CDC40: variants seen among roughly 807,000 people sequenced by gnomAD.
The protein encoded by CDC40 is cell division cycle 40.
CDC40 carries 27 observed loss-of-function variants against 80.6 expected under a neutral mutation model. The ratio of observed to expected loss-of-function variants is 0.33; its 90% confidence interval spans 0.25 to 0.46. The LOEUF (loss-of-function observed/expected upper bound fraction) is 0.46. Among genes scored for constraint, CDC40 ranks in the 20% least tolerant of loss-of-function variants. CDC40 has a pLI of 1.00. For missense variants in CDC40, 486 were observed against 694.1 expected (o/e 0.70, Z 3.37); for synonymous variants, 221 against 232.6 (o/e 0.95, Z 0.45).
chr6:110,226,122 CT>C, intron 12 of CDC40, 44 bp from the exon 13 acceptor site: 1 of 1,018,664 alleles, frequency 9.8e-7, no homozygotes. Flanking sequence ...TCTGAAGGTA[CT>C]TTTTAAAAGT....
intron 3 of CDC40, among the ~76,000 whole-genome samples, chr6:110,204,741 C>T (rs1042166779): frequency 3.4e-5 from 5 of 148,432 alleles, no homozygotes; most frequent in African/African-American, 1.0e-4. Context: ...CTCACTGCAA[C>T]CTCTACCTCT....
At position 110,231,553 on chromosome 6, in the gene CDC40, T is replaced by C. The variant is rs1295529021; in HGVS notation, c.*1422T>C. On this transcript the variant is annotated 3_prime_UTR_variant, in exon 15 of 15. Coordinates refer to ENST00000307731, the MANE Select transcript of CDC40 (RefSeq NM_015891.3). The stretch of plus-strand genomic sequence containing the variant: ...ATGTAATAGCTCATAGCACTTTAAT[T>C]TGGCAAGCCATTTTTCCTGTTTTAT... The C allele has an allele frequency of 6.6e-6, 1 of 152,218 alleles. No homozygotes were observed. Among genetic ancestry groups the C allele is most frequent in the African/African-American group, 2.4e-5 (1 of 41,458 alleles). 9.4% of individuals were successfully genotyped at this position (152,218 alleles called of 1,614,324 possible). A position where few individuals can be genotyped will look rare whatever the true frequency, so the allele number is the denominator to read the frequency against.
intron 1 of CDC40, among the ~76,000 whole-genome samples, chr6:110,189,789 C>G (rs970107303): frequency 1.3e-5 from 2 of 152,184 alleles, no homozygotes; most frequent in Non-Finnish European, 2.9e-5. Context: ...AATCCTTCAA[C>G]CTGACACCCC....
chr6:110,201,457 C>A, intron 2 of CDC40, 101 bp from the exon 3 acceptor site: 3 of 838,272 alleles, frequency 3.6e-6, no homozygotes, highest in East Asian at 2.8e-5. Flanking sequence ...GGTTAATAGG[C>A]CCTTTTTTTG....
At chr6:110,189,759 A>G (rs1777320378) in intron 1 of CDC40, among the ~76,000 whole-genome samples, 2 of 152,234 alleles carry the variant, frequency 1.3e-5, no homozygotes, top group Admixed American at 1.3e-4. Flanking sequence ...CTTAAGGAAG[A>G]AGAAAAACTT....
At chr6:110,221,296 G>C (rs1476617741) in intron 12 of CDC40, among the ~76,000 whole-genome samples, 1 of 152,150 alleles carries the variant, frequency 6.6e-6, no homozygotes, top group African/African-American at 2.4e-5. Flanking sequence ...TTAACAAGTG[G>C]AAAGCCTTGA....
intron 1 of CDC40, among the ~76,000 whole-genome samples, chr6:110,188,033 T>G (rs1777297629): frequency 6.6e-6 from 1 of 152,212 alleles, no homozygotes; most frequent in African/African-American, 2.4e-5. Flanking sequence ...GTTCTATAAT[T>G]TTAGCAGGAG....
At chr6:110,184,615 C>A (rs1237851063) in intron 1 of CDC40, among the ~76,000 whole-genome samples, 1 of 151,536 alleles carries the variant, frequency 6.6e-6, no homozygotes. Flanking sequence ...ATCATTATTT[C>A]TTTTATTTAT....
intron 6 of CDC40, 58 bp downstream of exon 6, chr6:110,210,861 C>T (rs907353072): frequency 2.5e-5 from 21 of 830,962 alleles, no homozygotes; most frequent in Middle Eastern, 2.5e-4. Flanking sequence ...TTACTCTGTT[C>T]GCTGTTCATA....
chr6:110,208,591 CAAGTG>C (rs1389586898), intron 4 of CDC40, among the ~76,000 whole-genome samples: 11 of 152,136 alleles, frequency 7.2e-5, no homozygotes, highest in Non-Finnish European at 1.3e-4. Context: ...TTTTGCATTA[CAAGTG>C]AAGTGAAGAT....
intron 1 of CDC40, among the ~76,000 whole-genome samples, chr6:110,180,927 C>T (rs1227996647): frequency 6.6e-6 from 1 of 152,116 alleles, no homozygotes; most frequent in Admixed American, 6.5e-5. Context: ...GGTGTAATCT[C>T]GGAACATAAG....
intron 6 of CDC40, 196 bp from the exon 7 acceptor site, chr6:110,211,937 T>G: frequency 1.9e-6 from 1 of 535,046 alleles, no homozygotes; most frequent in Non-Finnish European, 3.3e-6. Flanking sequence ...AAATACTACC[T>G]CTAGTTGTAA....
chr6:110,229,897 C>A, intron 14 of CDC40, 57 bp from the exon 15 acceptor site: 2 of 1,183,940 alleles, frequency 1.7e-6, no homozygotes, highest in Non-Finnish European at 2.5e-6. Context: ...ATTCCTCATT[C>A]GCCTTACCAA....
intron 3 of CDC40, among the ~76,000 whole-genome samples, chr6:110,203,817 C>G (rs565593879): frequency 6.6e-6 from 1 of 152,076 alleles, no homozygotes; most frequent in Non-Finnish European, 1.5e-5. Flanking sequence ...GAATTTTGTC[C>G]TGTTTTCTGC....
intron 13 of CDC40, among the ~76,000 whole-genome samples, chr6:110,227,037 C>T (rs9487318): frequency 0.25 from 37,395 of 151,870 alleles, 5,253 homozygotes; most frequent in African/African-American, 0.39. Context: ...TAGTGATTTA[C>T]TGTAAACTCT....
At chr6:110,189,541 C>G (rs913595718) in intron 1 of CDC40, among the ~76,000 whole-genome samples, 4 of 152,194 alleles carry the variant, frequency 2.6e-5, no homozygotes, top group Non-Finnish European at 5.9e-5. Context: ...TCATCTATCA[C>G]CCATTCTTAC....
intron 13 of CDC40, among the ~76,000 whole-genome samples, 176 bp downstream of exon 13, chr6:110,226,419 C>G (rs35773242): frequency 2.9e-4 from 44 of 152,156 alleles, no homozygotes; most frequent in Non-Finnish European, 5.7e-4. Context: ...TGCAAGTCAC[C>G]TCACCTACTT....
intron 1 of CDC40, among the ~76,000 whole-genome samples, chr6:110,188,628 G>A (rs1296022477): frequency 6.6e-6 from 1 of 152,210 alleles, no homozygotes; most frequent in Non-Finnish European, 1.5e-5. Flanking sequence ...GCTCAGGACT[G>A]TTGGGTGGGT....
intron 1 of CDC40, among the ~76,000 whole-genome samples, chr6:110,190,105 G>A (rs1246870429): frequency 6.6e-6 from 1 of 152,130 alleles, no homozygotes; most frequent in Non-Finnish European, 1.5e-5. Flanking sequence ...GTACATAAAA[G>A]CCATGTGCAA....
Sources: allele counts gnomAD v4.1 joint callset (sites outside exome capture counted in the v4.1 genomes callset), GRCh38; gene constraint gnomAD v4.1.1; transcripts MANE v1.5; gene names NCBI Gene and HGNC (gene_info 2026-07-23, HGNC 2026-07-21).